NT5E: variants seen among roughly 807,000 people sequenced by gnomAD.
The protein encoded by NT5E is 5'-nucleotidase.
Under a neutral mutation model 55.1 loss-of-function variants are expected in NT5E, and 53 were observed. That is an observed-to-expected ratio of 0.96 (90% CI 0.77 to 1.21). NT5E has a LOEUF of 1.21. NT5E is among the 50% of genes most tolerant of loss of function. The pLI, the probability that NT5E is intolerant of heterozygous loss-of-function variation, is 0.00. For missense variants in NT5E, 683 were observed against 724.3 expected, an observed-to-expected ratio of 0.94 and a Z score of 0.65; for synonymous variants, 270 against 278.4, an observed-to-expected ratio of 0.97 and a Z score of 0.30.
intron 1 of NT5E, among the ~76,000 whole-genome samples, chr6:85,462,040 C>T (rs1769108814): frequency 6.6e-6 from 1 of 152,130 alleles, no homozygotes; most frequent in Admixed American, 6.5e-5. Context: ...GCCCCATCCT[C>T]TCTCCTGCCC....
At chr6:85,459,034 T>C (rs1253902876) in intron 1 of NT5E, among the ~76,000 whole-genome samples, 2 of 152,146 alleles carry the variant, frequency 1.3e-5, no homozygotes, top group Non-Finnish European at 2.9e-5. Flanking sequence ...CAGAAACCTA[T>C]CAACCAAAAC....
intron 5 of NT5E, 108 bp downstream of exon 5, chr6:85,487,597 T>A: frequency 1.4e-6 from 2 of 1,414,418 alleles, no homozygotes; most frequent in Non-Finnish European, 2.0e-6. Flanking sequence ...AATGAGGGAT[T>A]TCAAAACATT....
intron 3 of NT5E, 102 bp from the exon 4 acceptor site, chr6:85,485,133 C>T (rs1769622722): frequency 9.0e-7 from 1 of 1,107,160 alleles, no homozygotes; most frequent in South Asian, 1.3e-5. Flanking sequence ...GATGGCAAAT[C>T]ATCAATTTAA....
chr6:85,462,815 G>A (rs1384421545), intron 1 of NT5E, among the ~76,000 whole-genome samples: 1 of 152,248 alleles, frequency 6.6e-6, no homozygotes, highest in Non-Finnish European at 1.5e-5. Context: ...TCGTTGTAAA[G>A]TGAGAAACCA....
intron 3 of NT5E, among the ~76,000 whole-genome samples, chr6:85,479,860 T>A (rs1582382154): frequency 6.6e-6 from 1 of 152,192 alleles, no homozygotes; most frequent in East Asian, 1.9e-4. Context: ...TTTTAAACAT[T>A]GCTTTATAGA....
At chr6:85,464,113 G>T (rs1769144861) in intron 1 of NT5E, among the ~76,000 whole-genome samples, 1 of 136,822 alleles carries the variant, frequency 7.3e-6, no homozygotes, top group South Asian at 2.3e-4. Flanking sequence ...TGTATGCTAG[G>T]CTTTATGCAA....
chr6:85,489,062 C>T (rs753413325), intron 5 of NT5E, among the ~76,000 whole-genome samples: 14 of 152,168 alleles, frequency 9.2e-5, no homozygotes, highest in Admixed American at 4.6e-4. Context: ...CAGACATAGA[C>T]GTGGAGGCCA....
intron 7 of NT5E, 75 bp from the exon 8 acceptor site, chr6:85,491,900 TAG>T: frequency 7.6e-7 from 1 of 1,314,388 alleles, no homozygotes; most frequent in Non-Finnish European, 1.1e-6. Context: ...GCCCCAATTG[TAG>T]AGTTTGGCCA....
intron 3 of NT5E, among the ~76,000 whole-genome samples, chr6:85,475,629 G>A (rs1306933469): frequency 1.3e-5 from 2 of 152,182 alleles, no homozygotes; most frequent in African/African-American, 4.8e-5. Context: ...TAAAATCAGT[G>A]CAGGTTGAAA....
chr6:85,465,028 AGAAAAGTCAGGG>A (rs976265745), intron 1 of NT5E, among the ~76,000 whole-genome samples: 26 of 152,318 alleles, frequency 1.7e-4, no homozygotes, highest in African/African-American at 6.3e-4. Flanking sequence ...AGACGTCAGG[AGAAAAGTCAGGG>A]CTGGAGATTT....
At chr6:85,477,337 GT>G (rs368444901) in intron 3 of NT5E, among the ~76,000 whole-genome samples, 374 of 149,438 alleles carry the variant, frequency 2.5e-3, no homozygotes, top group Middle Eastern at 6.9e-3. Context: ...TGATTGATCA[GT>G]TTTTTTTTTA....
chr6:85,492,342 C>T (rs1015534305), intron 8 of NT5E, among the ~76,000 whole-genome samples, 165 bp downstream of exon 8: 2 of 152,182 alleles, frequency 1.3e-5, no homozygotes, highest in Admixed American at 6.5e-5. Flanking sequence ...GGAATATGTA[C>T]CCTGTCAATC....
rs1001671568 is a variant in NT5E, at chr6:85,450,296, A to C, written c.157A>C (p.Asn53His). 6.2e-7 allele frequency: 1 copy of C among 1,605,712 alleles called. No individual in the cohort carries two copies. The highest frequency in any genetic ancestry group is 8.5e-7 in the Non-Finnish European group (1 of 1,177,220). ...QTSEDSSKCVNASRCMGGVAR... is the reference protein window; with the variant it reads ...QTSEDSSKCVHASRCMGGVAR... The stretch of plus-strand genomic sequence containing the variant: ...CAGCGAGGACTCCAGCAAGTGCGTC[A>C]ACGCCAGCCGCTGCATGGGTGGCGT... The change falls in exon 1 of 9, where the codon AAC becomes CAC. Residue 53 changes from asparagine (N) to histidine (H), a missense_variant. Physicochemically the swap from Asn to His is moderately conservative, Grantham distance 68 (BLOSUM62 1). Coordinates refer to ENST00000257770, the MANE Select transcript of NT5E (RefSeq NM_002526.4). The surrounding 1 kb of genome is among the most constrained non-coding windows in gnomAD (Gnocchi z 4.0).
At chr6:85,479,624 A>G (rs984593922) in intron 3 of NT5E, among the ~76,000 whole-genome samples, 5 of 152,246 alleles carry the variant, frequency 3.3e-5, no homozygotes, top group African/African-American at 9.6e-5. Flanking sequence ...ATATTTATAT[A>G]TCAGGAGTAT....
intron 2 of NT5E, among the ~76,000 whole-genome samples, chr6:85,470,817 A>G (rs964537694): frequency 9.2e-5 from 14 of 152,242 alleles, no homozygotes; most frequent in Non-Finnish European, 1.8e-4. Context: ...ACTTGCTGAC[A>G]GTTTTAAGTT....
chr6:85,469,061 A>G (rs1391863328), intron 2 of NT5E, among the ~76,000 whole-genome samples: 7 of 152,240 alleles, frequency 4.6e-5, no homozygotes, highest in Non-Finnish European at 1.5e-5. Flanking sequence ...AATCAAGCCC[A>G]GTTCTCCCAG....
At chr6:85,492,598 G>A (rs1769809686) in intron 8 of NT5E, among the ~76,000 whole-genome samples, 1 of 152,156 alleles carries the variant, frequency 6.6e-6, no homozygotes, top group Admixed American at 6.5e-5. Flanking sequence ...TGGATGGGGT[G>A]AGCGCCGCCC....
chr6:85,475,622 A>C (rs1173113512), intron 3 of NT5E, among the ~76,000 whole-genome samples: 2 of 152,190 alleles, frequency 1.3e-5, no homozygotes, highest in African/African-American at 4.8e-5. Flanking sequence ...AAAGTAGTAA[A>C]ATCAGTGCAG....
At chr6:85,489,449 A>G (rs1422512496) in intron 5 of NT5E, 45 bp from the exon 6 acceptor site, 1 of 1,358,006 alleles carries the variant, frequency 7.4e-7, no homozygotes, top group African/African-American at 1.7e-5. Context: ...GATCCTAAGG[A>G]AGAAGAGCCA....
Sources: gnomAD v4.1 joint callset for allele counts (sites outside exome capture counted in the v4.1 genomes callset) on GRCh38, gnomAD v4.1.1 for gene constraint, Gnocchi (gnomAD v3.1) non-coding constraint, MANE v1.5 for transcripts, NCBI Gene and HGNC (gene_info 2026-07-23, HGNC 2026-07-21) for gene names.